MARCHF1: variants seen among roughly 807,000 people sequenced by gnomAD.
MARCHF1 encodes E3 ubiquitin-protein ligase MARCHF1.
Under a neutral mutation model 54.2 loss-of-function variants are expected in MARCHF1, and 40 were observed. That is an observed-to-expected ratio of 0.74 (90% CI 0.57 to 0.96). The LOEUF (loss-of-function observed/expected upper bound fraction) is 0.96, where lower values mean the gene tolerates loss of function less well. Among genes scored for constraint, MARCHF1 ranks in the 40% least tolerant of loss-of-function variants. MARCHF1 has a pLI of 0.00. For missense variants in MARCHF1, 586 were observed against 656.5 expected, an observed-to-expected ratio of 0.89 and a Z score of 1.17; for synonymous variants, 236 against 236.3, an observed-to-expected ratio of 1.00 and a Z score of 0.01.
At chr4:164,218,240 A>G (rs1731988204) in intron 1 of MARCHF1, among the ~76,000 whole-genome samples, 2 of 152,282 alleles carry the variant, frequency 1.3e-5, no homozygotes, top group African/African-American at 4.8e-5. Flanking sequence ...GCTAGCAGAA[A>G]ATTACTTTTC....
intron 1 of MARCHF1, among the ~76,000 whole-genome samples, chr4:164,309,599 C>T (rs78772763): frequency 0.14 from 21,888 of 152,080 alleles, 2,391 homozygotes; most frequent in East Asian, 0.41. Context: ...CTTCTACCTT[C>T]AATTATAAAT....
At chr4:163,906,002 T>C (rs955737461) in intron 3 of MARCHF1, among the ~76,000 whole-genome samples, 3 of 152,110 alleles carry the variant, frequency 2.0e-5, no homozygotes, top group African/African-American at 4.8e-5. Context: ...ACTAACTTCA[T>C]GTCTGTCAGA....
intron 5 of MARCHF1, among the ~76,000 whole-genome samples, chr4:163,629,841 G>A (rs1742011138): frequency 1.3e-5 from 2 of 152,020 alleles, no homozygotes. Flanking sequence ...TTAAAAAATG[G>A]ATTTCTAATG....
At chr4:163,847,205 T>C (rs1156641025) in intron 4 of MARCHF1, among the ~76,000 whole-genome samples, 1 of 152,222 alleles carries the variant, frequency 6.6e-6, no homozygotes, top group Non-Finnish European at 1.5e-5. Flanking sequence ...AAGAAAAGTA[T>C]ATAATTTTCA....
intron 3 of MARCHF1, among the ~76,000 whole-genome samples, chr4:163,861,166 G>A (rs148676714): frequency 6.2e-4 from 94 of 152,260 alleles, no homozygotes; most frequent in African/African-American, 2.2e-3. Context: ...TAACAAAAAT[G>A]AAGAATACCT....
At chr4:163,809,725 A>G (rs954044095) in intron 4 of MARCHF1, among the ~76,000 whole-genome samples, 2 of 152,044 alleles carry the variant, frequency 1.3e-5, no homozygotes, top group South Asian at 4.1e-4. Context: ...ATTTACACAT[A>G]CATGTAAAAG....
chr4:163,692,163 C>T (rs1193361343), intron 5 of MARCHF1, among the ~76,000 whole-genome samples: 2 of 152,170 alleles, frequency 1.3e-5, no homozygotes, highest in African/African-American at 4.8e-5. Context: ...CAAAACAAAG[C>T]AGGCTCTATT....
chr4:163,981,604 G>C (rs2110869089), intron 3 of MARCHF1, among the ~76,000 whole-genome samples: 1 of 152,236 alleles, frequency 6.6e-6, no homozygotes, highest in Middle Eastern at 3.4e-3. Context: ...GAATGAGCTG[G>C]GGGGAAAGCA....
At chr4:164,280,781 A>G (rs1734006600) in intron 1 of MARCHF1, among the ~76,000 whole-genome samples, 1 of 152,138 alleles carries the variant, frequency 6.6e-6, no homozygotes, top group Admixed American at 6.6e-5. Context: ...GTGGCTATAT[A>G]GTGAGAATGC....
intron 2 of MARCHF1, among the ~76,000 whole-genome samples, chr4:164,007,238 C>A (rs1044642654): frequency 6.8e-6 from 1 of 148,120 alleles, no homozygotes; most frequent in Admixed American, 6.8e-5. Context: ...CCCAGCTACT[C>A]GGGAGGCTGA....
chr4:164,047,394 A>G (rs10026455), intron 2 of MARCHF1, among the ~76,000 whole-genome samples: 38,384 of 152,070 alleles, frequency 0.25, 6,480 homozygotes, highest in East Asian at 0.48. Flanking sequence ...TCTTGATTTA[A>G]TCTCAGGAAA....
At chr4:164,007,293 C>G (rs993655668) in intron 2 of MARCHF1, among the ~76,000 whole-genome samples, 2 of 131,852 alleles carry the variant, frequency 1.5e-5, no homozygotes, top group African/African-American at 2.9e-5. Context: ...TGGCAGTGAG[C>G]TGAGATCGTG....
At chr4:164,050,712 C>T (rs926410522) in intron 2 of MARCHF1, among the ~76,000 whole-genome samples, 5 of 152,140 alleles carry the variant, frequency 3.3e-5, no homozygotes, top group African/African-American at 1.2e-4. Flanking sequence ...GCGGGCGGAT[C>T]ACCTGAGGTC....
In MARCHF1 at chr4:164,009,383, C is replaced by T. The variant is rs746844626; in HGVS notation, c.-247-20674G>A. On this transcript the variant is annotated intron_variant, in intron 2 of 9. Coordinates refer to ENST00000514618, the MANE Select transcript of MARCHF1 (RefSeq NM_001394959.1). ...TTACCAAGCATTTAAAAAAGTAATG[C>T]AAATTCTACTCAAACTCTTTTACAA... is the stretch of plus-strand genomic sequence containing the variant. 3.4e-4 allele frequency among the ~76,000 whole-genome samples: 51 copies of T among 152,218 alleles called. 1 individual carries two copies. The highest frequency in any genetic ancestry group is 6.8e-3 in the Middle Eastern group (2 of 294).
At chr4:163,998,208 C>A (rs1269945994) in intron 2 of MARCHF1, among the ~76,000 whole-genome samples, 1 of 151,274 alleles carries the variant, frequency 6.6e-6, no homozygotes, top group Non-Finnish European at 1.5e-5. Flanking sequence ...GATATTATAT[C>A]ATTTTTATAG....
intron 7 of MARCHF1, among the ~76,000 whole-genome samples, chr4:163,592,721 C>A (rs1740632069): frequency 6.6e-6 from 1 of 152,046 alleles, no homozygotes; most frequent in Non-Finnish European, 1.5e-5. Flanking sequence ...GGTTCGATGC[C>A]ATTGATACTA....
intron 1 of MARCHF1, among the ~76,000 whole-genome samples, chr4:164,274,968 G>A (rs191514009): frequency 2.6e-5 from 4 of 151,400 alleles, no homozygotes; most frequent in African/African-American, 4.8e-5. Flanking sequence ...AAGCCACCAC[G>A]CCCGGCCAGG....
chr4:163,836,971 A>G (rs1208586177), intron 4 of MARCHF1, among the ~76,000 whole-genome samples: 2 of 152,178 alleles, frequency 1.3e-5, no homozygotes, highest in African/African-American at 4.8e-5. Flanking sequence ...ATAATACAGG[A>G]CTGAATTAGA....
intron 1 of MARCHF1, among the ~76,000 whole-genome samples, chr4:164,302,355 T>G (rs2111398715): frequency 6.6e-6 from 1 of 152,304 alleles, no homozygotes; most frequent in African/African-American, 2.4e-5. Context: ...AATTTATAAG[T>G]GGTATATTGG....
Sources: gnomAD v4.1 joint callset for allele counts (sites outside exome capture counted in the v4.1 genomes callset) on GRCh38, gnomAD v4.1.1 for gene constraint, MANE v1.5 for transcripts, NCBI Gene and HGNC (gene_info 2026-07-23, HGNC 2026-07-21) for gene names.